ALCAM: variants seen among roughly 807,000 people sequenced by gnomAD.
The protein encoded by ALCAM is CD166 antigen.
A neutral mutation model predicts 70.9 loss-of-function variants in ALCAM; 30 were observed. The observed-to-expected ratio is 0.42, with a 90% CI of 0.32 to 0.57. ALCAM has a LOEUF of 0.57. ALCAM is among the 20% of genes least tolerant of loss of function. The pLI is 0.11. For missense variants in ALCAM, 591 were observed against 695.1 expected (o/e 0.85, Z 1.68); for synonymous variants, 249 against 242.5 (o/e 1.03, Z -0.25).
chr3:105,382,698 G>T (rs1935553988), intron 1 of ALCAM, among the ~76,000 whole-genome samples: 1 of 151,992 alleles, frequency 6.6e-6, no homozygotes, highest in South Asian at 2.1e-4. Context: ...CAGTGATGAT[G>T]AGCATTTTTT....
rs111996188 is a variant in ALCAM, at chr3:105,368,651, A to T, written c.73+1170A>T. On this transcript the variant is annotated intron_variant, in intron 1 of 15. Transcript: ENST00000306107. ...AAGCTCAGGTCACAGAAGAGGTTTGAAAGCCTCTGAATCTCTCCCAGGAAC... is the reference window on the plus strand; with the variant it reads ...AAGCTCAGGTCACAGAAGAGGTTTGTAAGCCTCTGAATCTCTCCCAGGAAC... Among the ~76,000 whole-genome samples, 869 of 152,210 alleles carry T rather than the reference A, an allele frequency of 5.7e-3. 11 individuals are homozygous for T. The highest frequency in any genetic ancestry group is 0.02 in the African/African-American group (824 of 41,524).
intron 1 of ALCAM, among the ~76,000 whole-genome samples, chr3:105,420,678 C>G (rs1424411022): frequency 6.6e-6 from 1 of 151,666 alleles, no homozygotes; most frequent in East Asian, 1.9e-4. Flanking sequence ...ATGTTCCAGG[C>G]AGCTACCAGC....
At chr3:105,445,773 C>A (rs1482939459) in intron 1 of ALCAM, among the ~76,000 whole-genome samples, 1 of 152,150 alleles carries the variant, frequency 6.6e-6, no homozygotes, top group Admixed American at 6.5e-5. Flanking sequence ...ACTAGATAGT[C>A]ACCTGCAGAA....
At chr3:105,441,120 A>T (rs1297367530) in intron 1 of ALCAM, among the ~76,000 whole-genome samples, 1 of 152,194 alleles carries the variant, frequency 6.6e-6, no homozygotes, top group Non-Finnish European at 1.5e-5. Flanking sequence ...TCACTCGGTT[A>T]TTAACAGAGT....
At chr3:105,542,628 C>A (rs1940147437) in intron 8 of ALCAM, among the ~76,000 whole-genome samples, 1 of 151,792 alleles carries the variant, frequency 6.6e-6, no homozygotes, top group South Asian at 2.1e-4. Flanking sequence ...CACTACAATC[C>A]CACTGAGTAT....
At chr3:105,416,939 A>G (rs1438539) in intron 1 of ALCAM, among the ~76,000 whole-genome samples, 150,322 of 152,044 alleles carry the variant, frequency 0.99, 74,335 homozygotes, top group Middle Eastern at 1. Context: ...GTTACCTCTT[A>G]CTTAAAATGT....
At chr3:105,383,496 A>G (rs143401951) in intron 1 of ALCAM, among the ~76,000 whole-genome samples, 36 of 151,852 alleles carry the variant, frequency 2.4e-4, no homozygotes, top group Middle Eastern at 3.2e-3. Flanking sequence ...GCCTATTTTA[A>G]ACAACAACAT....
At chr3:105,406,268 G>A (rs1272203281) in intron 1 of ALCAM, among the ~76,000 whole-genome samples, 3 of 152,124 alleles carry the variant, frequency 2.0e-5, no homozygotes, top group Admixed American at 2.0e-4. Context: ...CAATAAACTT[G>A]TTTGTGGAGG....
chr3:105,567,025 T>A (rs930250601), intron 14 of ALCAM, among the ~76,000 whole-genome samples: 1 of 152,186 alleles, frequency 6.6e-6, no homozygotes. Flanking sequence ...TTTTCACTGA[T>A]ATAAAATTTT....
rs1172525672 is a variant in ALCAM at position 105,575,452 on chromosome 3, T to C, written c.*1001T>C. ...AAGCTGTGTTATTTTCCACAGAATA[T>C]AGAATATATATTTTTTTCGTGTGTG... On this transcript the variant is annotated 3_prime_UTR_variant, in exon 16 of 16. Coordinates refer to ENST00000306107, the MANE Select transcript of ALCAM (RefSeq NM_001627.4). The C allele has an allele frequency of 2.0e-5, 3 of 152,598 alleles. No homozygotes were observed. The highest frequency in any genetic ancestry group is 4.4e-5 in the Non-Finnish European group (3 of 68,028). The allele number at this position is 152,598 out of a possible 1,614,324, so 9.5% of individuals were successfully genotyped here.
chr3:105,493,049 T>C (rs528734972), intron 1 of ALCAM, among the ~76,000 whole-genome samples: 3 of 152,238 alleles, frequency 2.0e-5, no homozygotes, highest in Non-Finnish European at 4.4e-5. Context: ...TTTCAACTTA[T>C]ATGTAAATAT....
intron 1 of ALCAM, among the ~76,000 whole-genome samples, chr3:105,398,090 A>C (rs1460657501): frequency 2.6e-5 from 4 of 152,094 alleles, no homozygotes; most frequent in African/African-American, 4.8e-5. Flanking sequence ...TGGGCTTGAC[A>C]TCTACAGTTT....
At chr3:105,442,191 A>T (rs1937186434) in intron 1 of ALCAM, among the ~76,000 whole-genome samples, 1 of 152,116 alleles carries the variant, frequency 6.6e-6, no homozygotes, top group Non-Finnish European at 1.5e-5. Flanking sequence ...GACTAGAACC[A>T]ATCTATCTTG....
chr3:105,388,668 G>C (rs1278249112), intron 1 of ALCAM, among the ~76,000 whole-genome samples: 1 of 151,490 alleles, frequency 6.6e-6, no homozygotes, highest in Non-Finnish European at 1.5e-5. Context: ...TGGACTTGAA[G>C]CTTCACTAAA....
chr3:105,543,488 AT>A (rs1319658909), intron 8 of ALCAM, among the ~76,000 whole-genome samples: 1 of 151,682 alleles, frequency 6.6e-6, no homozygotes, highest in African/African-American at 2.4e-5. Flanking sequence ...TTACCCACTT[AT>A]CTTTGATTGC....
At chr3:105,498,594 T>A (rs1457126187) in intron 1 of ALCAM, among the ~76,000 whole-genome samples, 2 of 152,184 alleles carry the variant, frequency 1.3e-5, no homozygotes, top group African/African-American at 2.4e-5. Context: ...AAGGTATTAG[T>A]CTTGTTCCAT....
In ALCAM at chr3:105,485,375, T is replaced by TTG. The variant is rs10575049; in HGVS notation, c.74-34671_74-34670dup. Among the ~76,000 whole-genome samples, 812 of 149,680 alleles carry TTG rather than the reference T, an allele frequency of 5.4e-3. 6 individuals are homozygous for TTG. Among genetic ancestry groups the TTG allele is most frequent in the East Asian group, 0.028 (145 of 5,090 alleles). Reference sequence around the variant, plus strand: ...TTTTGAGATTCCAGACAGAACTACATTGTGTGTGTGTGTGTGTGTGTGCGC... The same window carrying TTG: ...TTTTGAGATTCCAGACAGAACTACATTGTGTGTGTGTGTGTGTGTGTGTGCGC... On this transcript the variant is annotated intron_variant, in intron 1 of 15. Transcript: ENST00000306107.
At chr3:105,441,034 A>G (rs1937158889) in intron 1 of ALCAM, among the ~76,000 whole-genome samples, 1 of 152,134 alleles carries the variant, frequency 6.6e-6, no homozygotes, top group East Asian at 1.9e-4. Context: ...AGGAGTTAGA[A>G]CCTCCATCCA....
chr3:105,557,175 C>T (rs950654079), intron 14 of ALCAM, among the ~76,000 whole-genome samples: 2 of 152,076 alleles, frequency 1.3e-5, no homozygotes, highest in African/African-American at 4.8e-5. Context: ...GGCAGGCTGA[C>T]ACAGCCTCTC....
Sources: allele counts gnomAD v4.1 joint callset (sites outside exome capture counted in the v4.1 genomes callset), GRCh38; gene constraint gnomAD v4.1.1; transcripts MANE v1.5; gene names NCBI Gene and HGNC (gene_info 2026-07-23, HGNC 2026-07-21).